The following USP40 variants were observed in gnomAD, a reference collection of about 807,000 sequenced individuals.
USP40 encodes ubiquitin specific peptidase 40, also known as ubiquitin carboxyl-terminal hydrolase 40.
USP40 carries 143 observed loss-of-function variants against 166.2 expected under a neutral mutation model. The observed-to-expected ratio is 0.86, with a 90% CI of 0.75 to 0.99. The LOEUF is 0.99. Ranked by LOEUF, USP40 falls within the 50% of genes least tolerant of loss-of-function variation. USP40 has a pLI of 0.00. For synonymous variants in USP40, 498 were observed against 524.0 expected (o/e 0.95, Z 0.68); for missense variants, 1,444 against 1,479.7 (o/e 0.98, Z 0.40).
At chr2:233,498,967 C>T (rs1366081329) in intron 22 of USP40, among the ~76,000 whole-genome samples, 3 of 152,124 alleles carry the variant, frequency 2.0e-5, no homozygotes, top group African/African-American at 4.8e-5. Flanking sequence ...GGAAGACCTG[C>T]GTGGCTCCAG....
intron 24 of USP40, among the ~76,000 whole-genome samples, chr2:233,496,143 A>C (rs2125093091): frequency 6.6e-6 from 1 of 152,336 alleles, no homozygotes; most frequent in East Asian, 1.9e-4. Context: ...TGACTTTTCT[A>C]ATCATAAGCA....
At position 233,524,496 on chromosome 2, in the gene USP40, A is replaced by G; in HGVS notation, c.1877T>C (p.Val626Ala). ...TTCTTCAGTAATTTTTTTTACCTCC[A>G]CCCCATTCCACACAAAGATGTCTTC... ...DGEDIFVWNGVEVGGVHIQTG... is the reference protein window; with the variant it reads ...DGEDIFVWNGAEVGGVHIQTG... Residue 626 changes from valine (V) to alanine (A), a missense_variant, in exon 15 of 32, where the codon GTG becomes GCG. Physicochemically the swap from Val to Ala is moderately conservative, Grantham distance 64 (BLOSUM62 0). Transcript: ENST00000678225. 1 of 1,604,792 alleles carries G rather than the reference A, an allele frequency of 6.2e-7. No homozygotes were observed. The highest frequency in any genetic ancestry group is 2.3e-5 in the East Asian group (1 of 44,216).
At chr2:233,528,260 T>C (rs2068211014) in intron 12 of USP40, among the ~76,000 whole-genome samples, 1 of 152,180 alleles carries the variant, frequency 6.6e-6, no homozygotes, top group Admixed American at 6.5e-5. Context: ...ATTACAGACG[T>C]GAGCCACTGC....
In USP40 at chr2:233,542,285, T is replaced by G. The variant is rs780952457; in HGVS notation, c.1045A>C (p.Lys349Gln). ...EEIDHPLMIL[K>Q]AILLEEENNL... ...TACTATACCTCTAATAAGATTGCTT[T>G]TAGAATCATCAGTGGATGATCAATC... Residue 349 changes from lysine to glutamine, a missense_variant, in exon 9 of 32, where the codon AAA becomes CAA. Coordinates refer to ENST00000678225, the MANE Select transcript of USP40 (RefSeq NM_001365479.2). 1.3e-6 allele frequency: 2 copies of G among 1,549,038 alleles called. No homozygotes were observed. The highest frequency in any genetic ancestry group is 1.7e-6 in the Non-Finnish European group (2 of 1,146,580).
At chr2:233,479,585 A>C in intron 31 of USP40, among the ~76,000 whole-genome samples, 1 of 150,848 alleles carries the variant, frequency 6.6e-6, no homozygotes, top group African/African-American at 2.5e-5. Context: ...AATTTGGAAA[A>C]CAGTATTTTA....
chr2:233,488,405 GT>G (rs1476761156), intron 27 of USP40, 101 bp from the exon 28 acceptor site: 1 of 1,101,606 alleles, frequency 9.1e-7, no homozygotes, highest in Non-Finnish European at 1.3e-6. Flanking sequence ...GCAAAGAATT[GT>G]TTTCTGAGTA....
In USP40 at chr2:233,481,454, G is replaced by A. The variant is rs183914469; in HGVS notation, c.3505-157C>T. 1,902 of 672,290 alleles carry A rather than the reference G, an allele frequency of 2.8e-3. 5 individuals are homozygous for A. The highest frequency in any genetic ancestry group is 4.1e-3 in the Non-Finnish European group (1,662 of 407,590). 41.6% of individuals were successfully genotyped at this position (672,290 alleles called of 1,614,324 possible). On this transcript the variant is annotated intron_variant, in intron 30 of 31. Transcript: ENST00000678225. ...CTGATTAAAAAAAATCCTCTTGCTC[G>A]ATGAAAACAAACTCGGGGGTGGCAA... is the stretch of plus-strand genomic sequence containing the variant.
intron 1 of USP40, 94 bp from the exon 2 acceptor site, chr2:233,565,667 T>C: frequency 9.1e-7 from 1 of 1,097,714 alleles, no homozygotes; most frequent in South Asian, 1.6e-5. Context: ...CTGTTGTTTC[T>C]TAGAACACAG....
At chr2:233,490,711 A>G (rs974545543) in intron 26 of USP40, among the ~76,000 whole-genome samples, 2 of 152,202 alleles carry the variant, frequency 1.3e-5, no homozygotes, top group Non-Finnish European at 2.9e-5. Context: ...GAAACAACAC[A>G]ATACCTAGAA....
At chr2:233,563,401 C>G (rs764407369) in intron 2 of USP40, among the ~76,000 whole-genome samples, 1 of 152,074 alleles carries the variant, frequency 6.6e-6, no homozygotes, top group African/African-American at 2.4e-5. Flanking sequence ...AGTCTGTATC[C>G]GAGCCTAGGT....
At chr2:233,488,210 C>T (rs1181460251) in intron 28 of USP40, 29 bp downstream of exon 28, 3 of 1,578,872 alleles carry the variant, frequency 1.9e-6, no homozygotes, top group South Asian at 2.3e-5. Context: ...ACGTGTGTGT[C>T]ACTTCAGATG....
rs538599395 is a variant in USP40, at chr2:233,506,908, T to TA, written c.2613+3140dup. Among the ~76,000 whole-genome samples the TA allele has an allele frequency of 2.9e-3, 433 of 148,572 alleles. 4 individuals are homozygous for TA. Among genetic ancestry groups the TA allele is most frequent in the Non-Finnish European group, 2.4e-3 (163 of 66,882 alleles). The stretch of plus-strand genomic sequence containing the variant: ...CCTGGGTGACAGAGAAAGACTGTCT[T>TA]AAAAAAAAAATCTAACAAAGAGTTA... On this transcript the variant is annotated intron_variant, in intron 21 of 31. Coordinates refer to ENST00000678225, the MANE Select transcript of USP40 (RefSeq NM_001365479.2).
At chr2:233,560,642 T>C (rs769660171) in intron 3 of USP40, 2 of 193,508 alleles carry the variant, frequency 1.0e-5, no homozygotes, top group African/African-American at 2.3e-5. Flanking sequence ...AAGTACAAAT[T>C]TGAGCCTGAA....
chr2:233,481,845 G>C (rs188817274), intron 30 of USP40, among the ~76,000 whole-genome samples: 4 of 152,294 alleles, frequency 2.6e-5, no homozygotes, highest in Admixed American at 1.3e-4. Flanking sequence ...CCCAGGACTC[G>C]CAGGTTGTTT....
chr2:233,496,654 T>C, intron 24 of USP40, 104 bp downstream of exon 24: 1 of 856,492 alleles, frequency 1.2e-6, no homozygotes, highest in Non-Finnish European at 1.8e-6. Flanking sequence ...CTTCTCTTTA[T>C]GACTGTCTGA....
chr2:233,496,720 A>ATT, intron 24 of USP40, 38 bp downstream of exon 24: 1 of 1,538,088 alleles, frequency 6.5e-7, no homozygotes, highest in South Asian at 1.1e-5. Flanking sequence ...GATAACAATT[A>ATT]TTACTTAAGA....
In USP40 at chr2:233,529,321, A is replaced by G. The variant is rs2068307833; in HGVS notation, c.1553+110T>C. The stretch of plus-strand genomic sequence containing the variant: ...CAGCCAAACAGACACTTGCATTAAC[A>G]AGTTGACTATTTTTTTTCTTTTTAA... On this transcript the variant is annotated intron_variant, in intron 12 of 31. Transcript: ENST00000678225. The G allele has an allele frequency of 4.6e-6, 4 of 876,788 alleles. No homozygotes were observed. The East Asian group carries it at 1.1e-4, about 25-fold the overall frequency. The allele number at this position is 876,788 out of a possible 1,614,324, so 54.3% of individuals were successfully genotyped here.
Position 233,533,530 on chromosome 2 carries a change from T to C in USP40, c.1420A>G (p.Ser474Gly). 1 of 1,613,880 alleles carries C rather than the reference T, an allele frequency of 6.2e-7. No homozygotes were observed. Among genetic ancestry groups the C allele is most frequent in the East Asian group, 2.2e-5 (1 of 44,874 alleles). ...DIEQQFQGKE[S>G]AYMLFYRKSQ... The stretch of plus-strand genomic sequence containing the variant: ...TTCCGATAAAACAACATGTAGGCAC[T>C]TTCTTTACCCTGAAATTGCTGTTCA... The change falls in exon 11 of 32, where the codon AGT becomes GGT. Residue 474 changes from serine (S) to glycine (G), a missense_variant. Transcript: ENST00000678225.
chr2:233,506,716 G>A (rs1235983537), intron 21 of USP40, among the ~76,000 whole-genome samples: 1 of 140,398 alleles, frequency 7.1e-6, no homozygotes, highest in East Asian at 2.1e-4. Context: ...GCAACATGGT[G>A]AGACACTGCC....
Sources: allele counts gnomAD v4.1 joint callset (sites outside exome capture counted in the v4.1 genomes callset), GRCh38; gene constraint gnomAD v4.1.1; transcripts MANE v1.5; gene names NCBI Gene and HGNC (gene_info 2026-07-23, HGNC 2026-07-21).